The following EDNRA variants were observed in gnomAD, a reference collection of about 807,000 sequenced individuals.
The protein encoded by EDNRA is endothelin-1 receptor.
EDNRA carries 11 observed loss-of-function variants against 41.4 expected under a neutral mutation model. The observed-to-expected ratio is 0.27, with a 90% CI of 0.17 to 0.44. The LOEUF (loss-of-function observed/expected upper bound fraction) is 0.44, where lower values mean the gene tolerates loss of function less well. Among genes scored for constraint, EDNRA ranks in the 20% least tolerant of loss-of-function variants. The pLI is 1.00. For missense variants in EDNRA, 294 were observed against 531.0 expected (o/e 0.55, Z 4.39); for synonymous variants, 172 against 183.0 (o/e 0.94, Z 0.49).
intron 1 of EDNRA, among the ~76,000 whole-genome samples, chr4:147,482,028 C>A (rs1394457254): frequency 6.6e-6 from 1 of 152,180 alleles, no homozygotes; most frequent in Non-Finnish European, 1.5e-5. Context: ...TAATGGCTTT[C>A]CCCTGATAGA....
At chr4:147,541,416 G>A (rs1049332819) in intron 7 of EDNRA, among the ~76,000 whole-genome samples, 5 of 152,144 alleles carry the variant, frequency 3.3e-5, no homozygotes, top group African/African-American at 9.7e-5. Flanking sequence ...CAAGAATGCA[G>A]GCTCTGGAAG....
chr4:147,534,934 C>A (rs10305912), intron 4 of EDNRA, among the ~76,000 whole-genome samples: 51,761 of 151,948 alleles, frequency 0.34, 10,510 homozygotes, highest in African/African-American at 0.57. Context: ...ATTTTAATAG[C>A]CATGTTATAA....
chr4:147,533,536 A>G (rs1373221868), intron 4 of EDNRA, among the ~76,000 whole-genome samples: 2 of 152,230 alleles, frequency 1.3e-5, no homozygotes, highest in Admixed American at 6.5e-5. Context: ...TGCTTTCCCA[A>G]CTTGGAAAAT....
chr4:147,518,912 AGG>A (rs1405476355), intron 2 of EDNRA, among the ~76,000 whole-genome samples: 2 of 152,184 alleles, frequency 1.3e-5, no homozygotes, highest in Non-Finnish European at 2.9e-5. Context: ...TCCCCCTTTT[AGG>A]TAGCTGAGCT....
intron 2 of EDNRA, chr4:147,491,124 G>T (rs1206974839): frequency 6.6e-6 from 1 of 152,146 alleles, no homozygotes; most frequent in Non-Finnish European, 1.5e-5. Flanking sequence ...TACTAATTTT[G>T]TCTACCCTAA....
chr4:147,534,668 A>G (rs1730860676), intron 4 of EDNRA, among the ~76,000 whole-genome samples: 1 of 152,246 alleles, frequency 6.6e-6, no homozygotes, highest in South Asian at 2.1e-4. Flanking sequence ...GGTAGTTATT[A>G]GAACCATCAC....
At chr4:147,528,225 G>T (rs560141090) in intron 3 of EDNRA, among the ~76,000 whole-genome samples, 3 of 152,064 alleles carry the variant, frequency 2.0e-5, no homozygotes, top group Admixed American at 2.0e-4. Flanking sequence ...GCATGAAAAC[G>T]CCAACAAAAA....
intron 2 of EDNRA, among the ~76,000 whole-genome samples, chr4:147,517,646 C>G (rs1409760867): frequency 6.6e-6 from 1 of 152,124 alleles, no homozygotes; most frequent in Non-Finnish European, 1.5e-5. Context: ...CAAGAAGAAT[C>G]AATGCTCACT....
chr4:147,538,756 G>A (rs367585074), intron 5 of EDNRA, among the ~76,000 whole-genome samples: 20 of 152,238 alleles, frequency 1.3e-4, no homozygotes, highest in African/African-American at 4.3e-4. Context: ...CTAGAGTAGC[G>A]AGTTATGAAA....
In EDNRA at chr4:147,543,118, T is replaced by C. The variant is rs1454243700; in HGVS notation, c.*500T>C. 6.6e-6 allele frequency: 1 copy of C among 152,240 alleles called. No homozygotes were observed. The highest frequency in any genetic ancestry group is 1.9e-4 in the East Asian group (1 of 5,194). The allele number at this position is 152,240 out of a possible 1,614,324, so 9.4% of individuals were successfully genotyped here. A position where few individuals can be genotyped will look rare whatever the true frequency, so the allele number is the denominator to read the frequency against. On this transcript the variant is annotated 3_prime_UTR_variant, in exon 8 of 8. Coordinates refer to ENST00000651419, the MANE Select transcript of EDNRA (RefSeq NM_001957.4). ...TATTTGAAATGTCATTTGGTGCCAG[T>C]ATTTTTTAACTGCATAATAGCCTAA... is the stretch of plus-strand genomic sequence containing the variant.
intron 1 of EDNRA, among the ~76,000 whole-genome samples, chr4:147,483,282 T>G (rs1370009752): frequency 6.6e-6 from 1 of 152,230 alleles, no homozygotes; most frequent in African/African-American, 2.4e-5. Flanking sequence ...TTTTCCCATT[T>G]AATCAGAGTG....
At chr4:147,492,630 A>C (rs1176454406) in intron 2 of EDNRA, 1 of 150,918 alleles carries the variant, frequency 6.6e-6, no homozygotes, top group Non-Finnish European at 1.5e-5. Context: ...GTGATTTGGA[A>C]TATCAAAATA....
At chr4:147,498,237 G>T (rs1322879308) in intron 2 of EDNRA, among the ~76,000 whole-genome samples, 1 of 152,194 alleles carries the variant, frequency 6.6e-6, no homozygotes, top group Non-Finnish European at 1.5e-5. Context: ...GAGTTTAAAT[G>T]TGAGTCATTG....
chr4:147,485,635 A>T lies in EDNRA; in HGVS notation c.-47A>T, dbSNP rs1462124081. 3 of 1,521,608 alleles carry T rather than the reference A, an allele frequency of 2.0e-6. No homozygotes were observed. Among genetic ancestry groups the T allele is most frequent in the Non-Finnish European group, 2.6e-6 (3 of 1,135,642 alleles). The allele number at this position is 1,521,608 out of a possible 1,614,324, so 94.3% of individuals were successfully genotyped here. A position where few individuals can be genotyped will look rare whatever the true frequency, so the allele number is the denominator to read the frequency against. Reference sequence around the variant, plus strand: ...AGGTGAAAAAAAAGTGAAGGTGTAAAAGCAGCACAAGTGCAATAAGAGATA... The same window carrying T: ...AGGTGAAAAAAAAGTGAAGGTGTAATAGCAGCACAAGTGCAATAAGAGATA... On this transcript the variant is annotated 5_prime_UTR_variant, in exon 2 of 8. Transcript: ENST00000651419.
At chr4:147,505,930 G>A (rs917472853) in intron 2 of EDNRA, among the ~76,000 whole-genome samples, 1 of 151,902 alleles carries the variant, frequency 6.6e-6, no homozygotes, top group South Asian at 2.1e-4. Flanking sequence ...TTACAGGCGT[G>A]AGTGACCGCG....
Position 147,519,834 on chromosome 4 carries a change from G to A in EDNRA, c.421-17G>A. 3.1e-6 allele frequency: 5 copies of A among 1,612,640 alleles called. No homozygotes were observed. Among genetic ancestry groups the A allele is most frequent in the Non-Finnish European group, 4.2e-6 (5 of 1,179,222 alleles). On this transcript the variant is annotated splice_polypyrimidine_tract_variant and intron_variant, in intron 2 of 7. Coordinates refer to ENST00000651419, the MANE Select transcript of EDNRA (RefSeq NM_001957.4). The surrounding 1 kb of genome is among the most constrained non-coding windows in gnomAD (Gnocchi z 4.1). The stretch of plus-strand genomic sequence containing the variant: ...GCCAGCTCTACCATTTCTTACCACT[G>A]TGTCTCCTTCTTTCAGCTGCTGGCT...
intron 5 of EDNRA, among the ~76,000 whole-genome samples, chr4:147,536,254 C>T (rs894945688): frequency 2.6e-5 from 4 of 152,144 alleles, no homozygotes; most frequent in African/African-American, 9.7e-5. Context: ...TAGAGAAGAA[C>T]TATCCCTCTA....
chr4:147,532,784 A>G (rs1730794426), intron 4 of EDNRA, 80 bp downstream of exon 4: 1 of 1,407,262 alleles, frequency 7.1e-7, no homozygotes, highest in Admixed American at 1.7e-5. Context: ...ACTTGATGAC[A>G]TCGCCACAAT....
chr4:147,506,648 G>C (rs867203931), intron 2 of EDNRA: 4 of 318,576 alleles, frequency 1.3e-5, no homozygotes, highest in Middle Eastern at 9.1e-4. Context: ...AAAACAACCT[G>C]TGGTATACCT....
Sources: gnomAD v4.1 joint callset for allele counts (sites outside exome capture counted in the v4.1 genomes callset) on GRCh38, gnomAD v4.1.1 for gene constraint, Gnocchi (gnomAD v3.1) non-coding constraint, MANE v1.5 for transcripts, NCBI Gene and HGNC (gene_info 2026-07-23, HGNC 2026-07-21) for gene names.